Variants in CRPPA observed in about 807,000 individuals in gnomAD.
The protein encoded by CRPPA is D-ribitol-5-phosphate cytidylyltransferase.
A neutral mutation model predicts 52.0 loss-of-function variants in CRPPA; 43 were observed. The observed-to-expected ratio is 0.83, with a 90% CI of 0.65 to 1.07. The LOEUF (loss-of-function observed/expected upper bound fraction) is 1.07. Among genes scored for constraint, CRPPA ranks in the 50% least tolerant of loss-of-function variants. CRPPA has a pLI of 0.00. For missense variants in CRPPA, 629 were observed against 551.7 expected (o/e 1.14, Z -1.40); for synonymous variants, 250 against 203.5 (o/e 1.23, Z -1.94).
chr7:16,383,868 G>C (rs895542687), intron 2 of CRPPA, among the ~76,000 whole-genome samples: 6 of 152,218 alleles, frequency 3.9e-5, no homozygotes, highest in Non-Finnish European at 8.8e-5. Context: ...ATTAGGGTGG[G>C]AGTGACCCAA....
chr7:16,366,955 C>G lies in CRPPA; in HGVS notation c.684+9137G>C, dbSNP rs553156665. On this transcript the variant is annotated intron_variant, in intron 3 of 9. Coordinates refer to ENST00000407010, the MANE Select transcript of CRPPA (RefSeq NM_001101426.4). ...TTTCATTAATAACTGCGATGTGCCA[C>G]TTTGGTACTGTGGTTTGCAACTGAC... is the stretch of plus-strand genomic sequence containing the variant. Among the ~76,000 whole-genome samples the G allele has an allele frequency of 2.2e-3, 335 of 152,240 alleles. 1 individual carries two copies. The highest frequency in any genetic ancestry group is 7.8e-3 in the African/African-American group (325 of 41,540).
intron 3 of CRPPA, among the ~76,000 whole-genome samples, chr7:16,313,408 A>G (rs1345139177): frequency 6.6e-6 from 1 of 151,860 alleles, no homozygotes; most frequent in Non-Finnish European, 1.5e-5. Flanking sequence ...ATCTATAATA[A>G]TGTCCGTGCT....
intron 3 of CRPPA, among the ~76,000 whole-genome samples, chr7:16,322,991 T>C (rs1785296187): frequency 1.3e-5 from 2 of 152,178 alleles, no homozygotes; most frequent in East Asian, 3.9e-4. Context: ...TCATATCTCA[T>C]GAGACTCACT....
At chr7:16,099,819 T>C (rs1782007084) in intron 9 of CRPPA, among the ~76,000 whole-genome samples, 1 of 152,200 alleles carries the variant, frequency 6.6e-6, no homozygotes, top group African/African-American at 2.4e-5. Context: ...GAAAAAGCAG[T>C]GTCATATACA....
intron 4 of CRPPA, among the ~76,000 whole-genome samples, chr7:16,303,355 A>G (rs1437668805): frequency 6.6e-6 from 1 of 152,024 alleles, no homozygotes; most frequent in East Asian, 1.9e-4. Context: ...TCTAGTAGTT[A>G]GCTAATCTGG....
intron 9 of CRPPA, among the ~76,000 whole-genome samples, chr7:16,143,385 G>T (rs1782911006): frequency 6.6e-6 from 1 of 152,098 alleles, no homozygotes. Context: ...GGAAATACAG[G>T]GCAAAGAAAG....
chr7:16,184,100 C>G (rs1307999444), intron 9 of CRPPA, among the ~76,000 whole-genome samples: 1 of 151,972 alleles, frequency 6.6e-6, no homozygotes, highest in African/African-American at 2.4e-5. Context: ...CACCACCACG[C>G]CCCGCTAATT....
chr7:16,176,735 C>G (rs1781305662), intron 9 of CRPPA, among the ~76,000 whole-genome samples: 1 of 132,948 alleles, frequency 7.5e-6, no homozygotes, highest in Non-Finnish European at 1.7e-5. Context: ...CACCACCATA[C>G]CTGGCAAAAT....
chr7:16,350,031 GC>G (rs1562647331), intron 3 of CRPPA, among the ~76,000 whole-genome samples: 1 of 151,826 alleles, frequency 6.6e-6, no homozygotes, highest in Non-Finnish European at 1.5e-5. Flanking sequence ...AGACATGTGA[GC>G]CCCCATAAAA....
intron 9 of CRPPA, among the ~76,000 whole-genome samples, chr7:16,192,749 T>C (rs1248791724): frequency 6.6e-6 from 1 of 152,168 alleles, no homozygotes; most frequent in East Asian, 1.9e-4. Flanking sequence ...TTGCATTAGG[T>C]GATAGGTAGA....
At chr7:16,335,154 C>CAAAAAAA (rs60632334) in intron 3 of CRPPA, among the ~76,000 whole-genome samples, 23 of 93,780 alleles carry the variant, frequency 2.5e-4, no homozygotes, top group South Asian at 4.6e-4. Flanking sequence ...CCCATCTCTA[C>CAAAAAAA]AAAAAAAAAA....
At chr7:16,295,575 T>G (rs1272422786) in intron 5 of CRPPA, among the ~76,000 whole-genome samples, 1 of 152,084 alleles carries the variant, frequency 6.6e-6, no homozygotes, top group Non-Finnish European at 1.5e-5. Flanking sequence ...ATTAAGTAGA[T>G]GAAGAATGGA....
At chr7:16,095,881 A>G (rs758249166) in intron 9 of CRPPA, among the ~76,000 whole-genome samples, 2 of 152,208 alleles carry the variant, frequency 1.3e-5, no homozygotes, top group East Asian at 1.9e-4. Context: ...TGCATGCCCA[A>G]GGAGAAACTC....
At chr7:16,402,243 T>C (rs903541292) in intron 2 of CRPPA, among the ~76,000 whole-genome samples, 1 of 152,242 alleles carries the variant, frequency 6.6e-6, no homozygotes, top group African/African-American at 2.4e-5. Context: ...ACAGTAAGCT[T>C]GGTTTCATGT....
chr7:16,192,865 AG>A (rs1219337388), intron 9 of CRPPA, among the ~76,000 whole-genome samples: 1 of 152,108 alleles, frequency 6.6e-6, no homozygotes, highest in African/African-American at 2.4e-5. Context: ...GTCAAAAATC[AG>A]TTGTCTATAT....
intron 9 of CRPPA, among the ~76,000 whole-genome samples, chr7:16,153,283 G>C (rs184451087): frequency 2.6e-5 from 4 of 152,002 alleles, no homozygotes; most frequent in African/African-American, 9.6e-5. Context: ...CATAAATCAA[G>C]GGTCAACAAA....
chr7:16,115,617 A>T (rs959219831), intron 9 of CRPPA, among the ~76,000 whole-genome samples: 1 of 152,190 alleles, frequency 6.6e-6, no homozygotes, highest in Non-Finnish European at 1.5e-5. Context: ...TTAAAAAAAG[A>T]AATTTAGGTT....
intron 8 of CRPPA, among the ~76,000 whole-genome samples, chr7:16,226,222 T>G (rs1488977099): frequency 6.6e-6 from 1 of 151,990 alleles, no homozygotes; most frequent in East Asian, 1.9e-4. Flanking sequence ...GATTAACATC[T>G]TATACATATT....
At chr7:16,224,585 A>G (rs1583445204) in intron 8 of CRPPA, among the ~76,000 whole-genome samples, 1 of 152,292 alleles carries the variant, frequency 6.6e-6, no homozygotes, top group South Asian at 2.1e-4. Context: ...GAATTGGTAG[A>G]TAAACCAGAG....
Sources: allele counts gnomAD v4.1 joint callset (sites outside exome capture counted in the v4.1 genomes callset), GRCh38; gene constraint gnomAD v4.1.1; transcripts MANE v1.5; gene names NCBI Gene and HGNC (gene_info 2026-07-23, HGNC 2026-07-21).